Variants in YIPF1 observed in about 807,000 individuals in gnomAD.
The protein encoded by YIPF1 is Yip1 domain family member 1.
In YIPF1, 22 loss-of-function variants were observed where a neutral mutation model predicts 37.0. That is an observed-to-expected ratio of 0.59 (90% confidence interval 0.42 to 0.85). The LOEUF (loss-of-function observed/expected upper bound fraction) is 0.85, where lower values mean the gene tolerates loss of function less well. YIPF1 is among the 40% of genes least tolerant of loss of function. YIPF1 has a pLI of 0.00. For synonymous variants in YIPF1, 128 were observed against 131.9 expected (o/e 0.97, Z 0.21); for missense variants, 355 against 373.1 (o/e 0.95, Z 0.40).
At chr1:53,870,235 G>A (rs577094206) in intron 7 of YIPF1, among the ~76,000 whole-genome samples, 2 of 138,986 alleles carry the variant, frequency 1.4e-5, no homozygotes, top group East Asian at 2.1e-4. Flanking sequence ...GCAGTGGTAC[G>A]ATCACAGCTC....
In YIPF1 at chr1:53,866,898, C is replaced by T; in HGVS notation, c.508G>A (p.Ala170Thr). ...GCAAGAGGAACCAGCCAGGCATAGG[C>T]ATAGATGATGGTAGCTGCTATGGAC... ...KVSIAATIIYAYAWLVPLALW... is the reference protein window; with the variant it reads ...KVSIAATIIYTYAWLVPLALW... The change falls in exon 8 of 11, where the codon GCC (alanine) becomes ACC (threonine). Residue 170 changes from alanine (A) to threonine (T), a missense_variant. Transcript: ENST00000072644. 6.2e-7 allele frequency: 1 copy of T among 1,613,316 alleles called. No homozygotes were observed. Among genetic ancestry groups the T allele is most frequent in the Non-Finnish European group, 8.5e-7 (1 of 1,179,632 alleles).
In YIPF1 at chr1:53,882,645, G is replaced by A. The variant is rs551888973; in HGVS notation, c.195+468C>T. Among the ~76,000 whole-genome samples the A allele has an allele frequency of 4.6e-5, 7 of 152,250 alleles. No individual in the cohort carries two copies. In the South Asian group the frequency reaches 1.5e-3, roughly 32 times the overall value. ...GCTAATATTTTGTACTTTTTGTAGA[G>A]GTGGAGTTTCACCATGTTGCCCAGG... On this transcript the variant is annotated intron_variant, in intron 4 of 10. Coordinates refer to ENST00000072644, the MANE Select transcript of YIPF1 (RefSeq NM_018982.5).
At chr1:53,861,533 GA>G (rs1413019170) in intron 9 of YIPF1, among the ~76,000 whole-genome samples, 1 of 152,030 alleles carries the variant, frequency 6.6e-6, no homozygotes, top group African/African-American at 2.4e-5. Flanking sequence ...TAAAGGATTA[GA>G]AAAGATGATC....
chr1:53,867,045 ATCAT>A, intron 7 of YIPF1, 121 bp from the exon 8 acceptor site: 1 of 1,192,306 alleles, frequency 8.4e-7, no homozygotes, highest in Non-Finnish European at 1.2e-6. Context: ...GGACCACGGA[ATCAT>A]GTCTTACTGG....
intron 6 of YIPF1, among the ~76,000 whole-genome samples, chr1:53,876,829 A>G (rs1281692733): frequency 6.6e-6 from 1 of 152,186 alleles, no homozygotes; most frequent in Non-Finnish European, 1.5e-5. Flanking sequence ...GCACATAATA[A>G]GCATTATATG....
chr1:53,875,781 T>C (rs964939883), intron 6 of YIPF1, among the ~76,000 whole-genome samples: 32 of 152,324 alleles, frequency 2.1e-4, no homozygotes, highest in Middle Eastern at 3.4e-3. Flanking sequence ...TTCCCTTAGA[T>C]ATCTACATAA....
intron 2 of YIPF1, 45 bp from the exon 3 acceptor site, chr1:53,889,031 G>C: frequency 9.0e-7 from 1 of 1,112,934 alleles, no homozygotes; most frequent in Non-Finnish European, 1.3e-6. Context: ...ACAGTATAAA[G>C]TATCTGCAAA....
At chr1:53,857,061 C>A (rs192952154) in intron 10 of YIPF1, among the ~76,000 whole-genome samples, 36 of 152,186 alleles carry the variant, frequency 2.4e-4, no homozygotes, top group African/African-American at 8.7e-4. Context: ...GAGAGGCCCA[C>A]GTGGCAAGCA....
chr1:53,859,689 A>G (rs1266313578), intron 10 of YIPF1, among the ~76,000 whole-genome samples: 1 of 152,154 alleles, frequency 6.6e-6, no homozygotes, highest in African/African-American at 2.4e-5. Flanking sequence ...GAAAGTAAGA[A>G]AAAGAAAAAA....
At chr1:53,869,334 G>T (rs991893655) in intron 7 of YIPF1, among the ~76,000 whole-genome samples, 54 of 149,022 alleles carry the variant, frequency 3.6e-4, no homozygotes, top group African/African-American at 1.2e-3. Flanking sequence ...ATATTTTTGT[G>T]TGTGTGTGTG....
At chr1:53,860,203 G>A (rs1557601835) in intron 9 of YIPF1, 50 bp from the exon 10 acceptor site, 1 of 1,588,138 alleles carries the variant, frequency 6.3e-7, no homozygotes, top group Admixed American at 1.7e-5. Context: ...AGTGGTCCGG[G>A]TAAGTGTTTT....
intron 4 of YIPF1, among the ~76,000 whole-genome samples, chr1:53,878,934 T>C (rs551769385): frequency 2.0e-5 from 3 of 152,236 alleles, no homozygotes; most frequent in African/African-American, 7.2e-5. Flanking sequence ...ACCAAAAGGG[T>C]TCAAATCCTG....
At chr1:53,863,145 C>T (rs1261360735) in intron 9 of YIPF1, among the ~76,000 whole-genome samples, 6 of 152,186 alleles carry the variant, frequency 3.9e-5, no homozygotes, top group South Asian at 2.1e-4. Context: ...CAACCCGTCC[C>T]GCTCTTCTGA....
chr1:53,888,219 C>T (rs558483656), intron 3 of YIPF1, among the ~76,000 whole-genome samples: 6 of 151,990 alleles, frequency 3.9e-5, no homozygotes, highest in Admixed American at 3.9e-4. Flanking sequence ...GAGTGAGACT[C>T]CATCAAAAGA....
intron 3 of YIPF1, among the ~76,000 whole-genome samples, chr1:53,886,936 G>C (rs1650670520): frequency 6.6e-6 from 1 of 151,972 alleles, no homozygotes; most frequent in Non-Finnish European, 1.5e-5. Context: ...AGCTGTGAAT[G>C]TACTTGGTGC....
intron 7 of YIPF1, among the ~76,000 whole-genome samples, chr1:53,869,419 C>G (rs1650119262): frequency 6.6e-6 from 1 of 152,098 alleles, no homozygotes; most frequent in Non-Finnish European, 1.5e-5. Flanking sequence ...TATATATTAA[C>G]TCTTTATTCT....
intron 10 of YIPF1, among the ~76,000 whole-genome samples, chr1:53,856,840 C>T (rs1256728440): frequency 2.6e-5 from 4 of 152,228 alleles, no homozygotes; most frequent in Non-Finnish European, 5.9e-5. Context: ...CCAGTGATCC[C>T]TGCCTGTCTC....
Position 53,889,075 on chromosome 1 carries a change from C to T in YIPF1, c.-49-89G>A. 3 of 636,868 alleles carry T rather than the reference C, an allele frequency of 4.7e-6. No homozygotes were observed. The East Asian group carries it at 8.1e-5, about 17-fold the overall frequency. The allele number at this position is 636,868 out of a possible 1,614,324, so 39.5% of individuals were successfully genotyped here. A position where few individuals can be genotyped will look rare whatever the true frequency, so the allele number is the denominator to read the frequency against. ...ATGTATTAGAAATGGTATCACTTTCCCTTGCCTCCCTTTTCAGTGGGGTTT... is the reference window on the plus strand; with the variant it reads ...ATGTATTAGAAATGGTATCACTTTCTCTTGCCTCCCTTTTCAGTGGGGTTT... On this transcript the variant is annotated intron_variant, in intron 2 of 10. Transcript: ENST00000072644.
chr1:53,889,288 T>C lies in YIPF1; in HGVS notation c.-94A>G, dbSNP rs1172932791. On this transcript the variant is annotated 5_prime_UTR_variant, in exon 2 of 11. Transcript: ENST00000072644. The stretch of plus-strand genomic sequence containing the variant: ...CAGGTGCAGCCTAGAGATGTAACGA[T>C]GAGGAAGGAGAGGCTGAGGTTTGAA... The C allele has an allele frequency of 4.8e-6, 1 of 207,180 alleles. No homozygotes were observed. Among genetic ancestry groups the C allele is most frequent in the Non-Finnish European group, 9.9e-6 (1 of 100,640 alleles). 12.8% of individuals were successfully genotyped at this position (207,180 alleles called of 1,614,324 possible).
Sources: allele counts gnomAD v4.1 joint callset (sites outside exome capture counted in the v4.1 genomes callset), GRCh38; gene constraint gnomAD v4.1.1; transcripts MANE v1.5; gene names NCBI Gene and HGNC (gene_info 2026-07-23, HGNC 2026-07-21).